The following WDFY2 variants were observed in gnomAD, a reference collection of about 807,000 sequenced individuals.
WDFY2 encodes the protein WD repeat and FYVE domain containing 2, also known as WD repeat and FYVE domain-containing protein 2.
In WDFY2, 36 loss-of-function variants were observed where a neutral mutation model predicts 56.4. That is an observed-to-expected ratio of 0.64 (90% confidence interval 0.49 to 0.84). The LOEUF (loss-of-function observed/expected upper bound fraction) is 0.84. Among genes scored for constraint, WDFY2 ranks in the 40% least tolerant of loss-of-function variants. WDFY2 has a pLI of 0.00. For synonymous variants in WDFY2, 176 were observed against 183.7 expected (o/e 0.96, Z 0.34); for missense variants, 444 against 512.2 (o/e 0.87, Z 1.29).
At chr13:51,691,224 T>G (rs12868702) in intron 3 of WDFY2, among the ~76,000 whole-genome samples, 7 of 152,064 alleles carry the variant, frequency 4.6e-5, no homozygotes, top group South Asian at 2.1e-4. Flanking sequence ...GTCAATTTTG[T>G]CTTTTGTTGC....
chr13:51,603,798 A>T (rs939330410), intron 1 of WDFY2, among the ~76,000 whole-genome samples: 4 of 152,224 alleles, frequency 2.6e-5, no homozygotes, highest in African/African-American at 9.7e-5. Flanking sequence ...AAAATAATGG[A>T]TATGAAAAAA....
chr13:51,715,574 C>A (rs1003471619), intron 4 of WDFY2, among the ~76,000 whole-genome samples: 2 of 152,002 alleles, frequency 1.3e-5, no homozygotes, highest in Non-Finnish European at 2.9e-5. Context: ...TCCTGCAGGA[C>A]CTGCATGAGG....
intron 1 of WDFY2, among the ~76,000 whole-genome samples, chr13:51,651,038 T>A (rs1185342414): frequency 1.3e-5 from 2 of 152,252 alleles, no homozygotes; most frequent in Non-Finnish European, 2.9e-5. Flanking sequence ...TGACTGCATC[T>A]GGTCCTGGAC....
At position 51,736,780 on chromosome 13, in the gene WDFY2, C is replaced by T. The variant is rs1378233673; in HGVS notation, c.599-2269C>T. Among the ~76,000 whole-genome samples, 5 of 152,164 alleles carry T rather than the reference C, an allele frequency of 3.3e-5. No individual in the cohort carries two copies. The East Asian group carries it at 7.7e-4, about 23-fold the overall frequency. On this transcript the variant is annotated intron_variant, in intron 6 of 11. Transcript: ENST00000298125. ...TGCTGGGATTACAGGCGTGAGCTAC[C>T]GCACCCGGCCCCATGGTGTAGTGTT...
intron 4 of WDFY2, among the ~76,000 whole-genome samples, chr13:51,707,867 AC>A (rs749324266): frequency 3.3e-5 from 5 of 151,868 alleles, no homozygotes; most frequent in Non-Finnish European, 7.4e-5. Flanking sequence ...AATGCTATAC[AC>A]AAAGAGGTAT....
intron 1 of WDFY2, among the ~76,000 whole-genome samples, chr13:51,606,806 A>G (rs1209863673): frequency 6.6e-6 from 1 of 152,112 alleles, no homozygotes; most frequent in East Asian, 1.9e-4. Context: ...TGTCACTCTT[A>G]ATTTATGATT....
At chr13:51,614,971 A>G (rs1954583943) in intron 1 of WDFY2, among the ~76,000 whole-genome samples, 1 of 152,188 alleles carries the variant, frequency 6.6e-6, no homozygotes, top group Non-Finnish European at 1.5e-5. Context: ...TAAAAGAATA[A>G]AGTAAGCTCA....
At chr13:51,657,559 G>T (rs1166329514) in intron 1 of WDFY2, among the ~76,000 whole-genome samples, 6 of 152,174 alleles carry the variant, frequency 3.9e-5, no homozygotes, top group Admixed American at 3.3e-4. Flanking sequence ...GAATTCATCT[G>T]TCTTACTATA....
At chr13:51,630,976 C>T (rs1480060341) in intron 1 of WDFY2, among the ~76,000 whole-genome samples, 1 of 151,482 alleles carries the variant, frequency 6.6e-6, no homozygotes, top group Non-Finnish European at 1.5e-5. Flanking sequence ...GACGGGGTTT[C>T]ACCATGTTGG....
At chr13:51,640,811 T>A (rs889153961) in intron 1 of WDFY2, among the ~76,000 whole-genome samples, 1 of 152,004 alleles carries the variant, frequency 6.6e-6, no homozygotes, top group Admixed American at 6.6e-5. Flanking sequence ...GATCACGCCA[T>A]TGCACTCCAG....
At chr13:51,661,915 T>C (rs1284481670) in intron 2 of WDFY2, among the ~76,000 whole-genome samples, 3 of 152,172 alleles carry the variant, frequency 2.0e-5, no homozygotes, top group African/African-American at 7.2e-5. Context: ...AGGGTTTAGA[T>C]AAATGGAAAA....
intron 3 of WDFY2, among the ~76,000 whole-genome samples, chr13:51,683,230 T>G (rs571119113): frequency 6.6e-6 from 1 of 152,332 alleles, no homozygotes; most frequent in East Asian, 1.9e-4. Flanking sequence ...TAAATTGCTT[T>G]CTATTGTTTT....
At chr13:51,718,181 G>A (rs956478809) in intron 4 of WDFY2, among the ~76,000 whole-genome samples, 6 of 152,176 alleles carry the variant, frequency 3.9e-5, no homozygotes, top group African/African-American at 1.4e-4. Context: ...CAGTCATGAT[G>A]AGTGTGTTCA....
chr13:51,743,207 A>G (rs1953014499), intron 7 of WDFY2, among the ~76,000 whole-genome samples: 1 of 152,230 alleles, frequency 6.6e-6, no homozygotes, highest in Non-Finnish European at 1.5e-5. Flanking sequence ...ATAATAGATC[A>G]AAATATCAGC....
Position 51,674,169 on chromosome 13 carries a change from G to A in WDFY2, c.206-1001G>A, listed in dbSNP as rs539994736. Among the ~76,000 whole-genome samples the A allele has an allele frequency of 8.5e-5, 13 of 152,246 alleles. No individual in the cohort carries two copies. The South Asian group carries it at 2.1e-3, about 24-fold the overall frequency. On this transcript the variant is annotated intron_variant, in intron 2 of 11. Transcript: ENST00000298125. Reference sequence around the variant, plus strand: ...TTGGGTAAAACATCTAATCATACCCGTGAAAAGTAGGAATAAAAAATATTT... The same window carrying A: ...TTGGGTAAAACATCTAATCATACCCATGAAAAGTAGGAATAAAAAATATTT...
chr13:51,676,319 C>T lies in WDFY2; in HGVS notation c.279+1076C>T, dbSNP rs115563768. Among the ~76,000 whole-genome samples the T allele has an allele frequency of 8.5e-3, 1,288 of 152,220 alleles. 20 individuals are homozygous for T. The highest frequency in any genetic ancestry group is 0.029 in the African/African-American group (1,208 of 41,526). The stretch of plus-strand genomic sequence containing the variant: ...AGTGCAGGGCCCCTCAAGGTCTTGA[C>T]AAAACTGGGAATAGAAAGAGAAGGG... On this transcript the variant is annotated intron_variant, in intron 3 of 11. Coordinates refer to ENST00000298125, the MANE Select transcript of WDFY2 (RefSeq NM_052950.4).
intron 1 of WDFY2, among the ~76,000 whole-genome samples, chr13:51,631,162 C>A (rs376734045): frequency 6.6e-6 from 1 of 150,564 alleles, no homozygotes; most frequent in Admixed American, 6.6e-5. Flanking sequence ...GAGGCCGAGG[C>A]GGGAGGATCA....
intron 3 of WDFY2, among the ~76,000 whole-genome samples, chr13:51,702,054 G>A (rs1951996133): frequency 6.6e-6 from 1 of 152,114 alleles, no homozygotes; most frequent in South Asian, 2.1e-4. Flanking sequence ...GTGCACACCT[G>A]TAATCCCAGC....
At position 51,766,840 on chromosome 13, in the gene WDFY2, C is replaced by T. The variant is rs1449229355; in HGVS notation, c.*7071C>T. On this transcript the variant is annotated 3_prime_UTR_variant, in exon 12 of 12. Coordinates refer to ENST00000298125, the MANE Select transcript of WDFY2 (RefSeq NM_052950.4). ...CGGTTACATGTGGCCACGCACACAC[C>T]GACAACCTTGCTGTGCTGTTTAGCC... 2.0e-5 allele frequency: 3 copies of T among 152,192 alleles called. No homozygotes were observed. Among genetic ancestry groups the T allele is most frequent in the African/African-American group, 7.2e-5 (3 of 41,418 alleles). The allele number at this position is 152,192 out of a possible 1,614,324, so 9.4% of individuals were successfully genotyped here.
Sources: allele counts gnomAD v4.1 joint callset (sites outside exome capture counted in the v4.1 genomes callset), GRCh38; gene constraint gnomAD v4.1.1; transcripts MANE v1.5; gene names NCBI Gene and HGNC (gene_info 2026-07-23, HGNC 2026-07-21).